The following TRPS1 variants were observed in gnomAD, a reference collection of about 807,000 sequenced individuals.
TRPS1 encodes the protein transcriptional repressor GATA binding 1, also known as zinc finger transcription factor Trps1.
A neutral mutation model predicts 101.2 loss-of-function variants in TRPS1; 6 were observed. The ratio of observed to expected loss-of-function variants is 0.06; its 90% confidence interval spans 0.03 to 0.12. TRPS1 has a LOEUF of 0.12. Ranked by LOEUF, TRPS1 falls within the 10% of genes least tolerant of loss-of-function variation. TRPS1 has a pLI of 1.00. For synonymous variants in TRPS1, 578 were observed against 589.8 expected, an observed-to-expected ratio of 0.98 and a Z score of 0.29; for missense variants, 1,363 against 1,567.0, an observed-to-expected ratio of 0.87 and a Z score of 2.20.
chr8:115,434,385 AAT>A (rs1382032309), intron 5 of TRPS1, among the ~76,000 whole-genome samples: 1 of 152,194 alleles, frequency 6.6e-6, no homozygotes, highest in Non-Finnish European at 1.5e-5. Flanking sequence ...TGTGCTATGC[AAT>A]ATGTTATTGT....
chr8:115,426,992 C>T (rs1813203034), intron 5 of TRPS1, among the ~76,000 whole-genome samples: 1 of 151,980 alleles, frequency 6.6e-6, no homozygotes, highest in South Asian at 2.1e-4. Context: ...GCATTTTTGG[C>T]CAGGCGTGGT....
At chr8:115,415,885 T>C (rs557391995) in intron 6 of TRPS1, among the ~76,000 whole-genome samples, 7 of 152,268 alleles carry the variant, frequency 4.6e-5, no homozygotes, top group African/African-American at 7.2e-5. Flanking sequence ...TTCTAAATAA[T>C]TGCAAATGTG....
chr8:115,608,473 C>T (rs1040015927), intron 3 of TRPS1, among the ~76,000 whole-genome samples: 10 of 152,122 alleles, frequency 6.6e-5, no homozygotes, highest in African/African-American at 2.4e-4. Flanking sequence ...GTAGATAAAA[C>T]CCTTTATTTA....
intron 5 of TRPS1, among the ~76,000 whole-genome samples, chr8:115,575,371 A>C (rs953629809): frequency 1.6e-4 from 24 of 152,106 alleles, no homozygotes; most frequent in Non-Finnish European, 3.5e-4. Context: ...ATAAACATAC[A>C]AATCTATGTT....
intron 1 of TRPS1, among the ~76,000 whole-genome samples, chr8:115,643,951 G>C (rs1283233898): frequency 6.6e-6 from 1 of 152,276 alleles, no homozygotes; most frequent in African/African-American, 2.4e-5. Flanking sequence ...AGAGCTTCTG[G>C]GGTGACTGCG....
At chr8:115,662,661 C>CAAAG in intron 1 of TRPS1, among the ~76,000 whole-genome samples, 1 of 126,048 alleles carries the variant, frequency 7.9e-6, no homozygotes, top group East Asian at 2.2e-4. Context: ...TTTGCCTGTG[C>CAAAG]AAAGTCAGAG....
At chr8:115,570,598 T>G (rs895933366) in intron 5 of TRPS1, among the ~76,000 whole-genome samples, 27 of 151,906 alleles carry the variant, frequency 1.8e-4, no homozygotes, top group African/African-American at 6.3e-4. Context: ...GTATTTGCAG[T>G]ATCTCTCATA....
intron 5 of TRPS1, among the ~76,000 whole-genome samples, chr8:115,551,584 G>GA (rs924665966): frequency 3.7e-4 from 56 of 152,246 alleles, no homozygotes; most frequent in African/African-American, 1.3e-3. Context: ...GCAGAGTATT[G>GA]AGAGTTCAAA....
chr8:115,446,745 G>A (rs1270463569), intron 5 of TRPS1, among the ~76,000 whole-genome samples: 2 of 152,076 alleles, frequency 1.3e-5, no homozygotes, highest in South Asian at 2.1e-4. Flanking sequence ...GAAAAGTTAT[G>A]GGGATTACAA....
At chr8:115,570,501 A>G (rs1465559514) in intron 5 of TRPS1, among the ~76,000 whole-genome samples, 1 of 152,070 alleles carries the variant, frequency 6.6e-6, no homozygotes, top group Non-Finnish European at 1.5e-5. Flanking sequence ...GGCCAACAAG[A>G]AACAAAAATA....
At chr8:115,646,841 T>C (rs1229147937) in intron 1 of TRPS1, among the ~76,000 whole-genome samples, 1 of 152,166 alleles carries the variant, frequency 6.6e-6, no homozygotes, top group Non-Finnish European at 1.5e-5. Flanking sequence ...AAATCATATA[T>C]TAAAGGGACA....
intron 5 of TRPS1, among the ~76,000 whole-genome samples, chr8:115,575,033 G>A (rs1586418904): frequency 6.6e-6 from 1 of 152,074 alleles, no homozygotes; most frequent in Admixed American, 6.6e-5. Flanking sequence ...TACATGATCT[G>A]GTAAAGTGAC....
intron 5 of TRPS1, among the ~76,000 whole-genome samples, chr8:115,537,560 A>T (rs894144893): frequency 2.0e-5 from 3 of 152,206 alleles, no homozygotes; most frequent in African/African-American, 7.2e-5. Flanking sequence ...TACCATGTTT[A>T]CGTATTATAA....
At chr8:115,629,669 C>A (rs1356778122) in intron 1 of TRPS1, among the ~76,000 whole-genome samples, 1 of 151,800 alleles carries the variant, frequency 6.6e-6, no homozygotes, top group African/African-American at 2.4e-5. Flanking sequence ...ATGGCAAAGG[C>A]CTTTAATTAA....
intron 5 of TRPS1, among the ~76,000 whole-genome samples, chr8:115,533,436 GTTTT>G (rs1161916592): frequency 1.1e-4 from 4 of 34,986 alleles, no homozygotes; most frequent in South Asian, 1.1e-3. Context: ...CATGTAATCT[GTTTT>G]TTTTTTTTTT....
Position 115,418,626 on chromosome 8 carries a change from T to C in TRPS1, c.2701-174A>G, listed in dbSNP as rs1347380405. ...TAATAGGCACCACTGATTTTCATTA[T>C]AATTAACCCTACAGTGATGGATGAG... is the stretch of plus-strand genomic sequence containing the variant. On this transcript the variant is annotated intron_variant, in intron 5 of 6. Transcript: ENST00000395715. The surrounding 1 kb of genome is among the most constrained non-coding windows in gnomAD (Gnocchi z 4.3). 6.6e-6 allele frequency among the ~76,000 whole-genome samples: 1 copy of C among 152,220 alleles called. No individual in the cohort carries two copies.
chr8:115,520,438 G>GT (rs1404344761), intron 5 of TRPS1, among the ~76,000 whole-genome samples: 3 of 151,738 alleles, frequency 2.0e-5, no homozygotes, highest in South Asian at 4.1e-4. Flanking sequence ...GTTGGGAGAT[G>GT]AACTAGATGA....
chr8:115,546,089 T>C (rs1586387870), intron 5 of TRPS1, among the ~76,000 whole-genome samples: 1 of 152,020 alleles, frequency 6.6e-6, no homozygotes, highest in Non-Finnish European at 1.5e-5. Context: ...AAGCTAGCAT[T>C]ATTTATATGT....
chr8:115,503,222 C>A (rs1815361298), intron 5 of TRPS1, among the ~76,000 whole-genome samples: 1 of 143,520 alleles, frequency 7.0e-6, no homozygotes. Flanking sequence ...CCACTGCATT[C>A]CAGCCCCAGC....
Sources: allele counts gnomAD v4.1 joint callset (sites outside exome capture counted in the v4.1 genomes callset), GRCh38; gene constraint gnomAD v4.1.1; non-coding constraint Gnocchi (gnomAD v3.1); transcripts MANE v1.5; gene names NCBI Gene and HGNC (gene_info 2026-07-23, HGNC 2026-07-21).